OTOF: variants seen among roughly 807,000 people sequenced by gnomAD.
The protein encoded by OTOF is otoferlin, also known as fer-1-like family member 2.
OTOF carries 218 observed loss-of-function variants against 236.8 expected under a neutral mutation model. The observed-to-expected ratio is 0.92, with a 90% CI of 0.82 to 1.03. The LOEUF (loss-of-function observed/expected upper bound fraction) is 1.03, where lower values mean the gene tolerates loss of function less well. Among genes scored for constraint, OTOF ranks in the 50% least tolerant of loss-of-function variants. OTOF has a pLI of 0.00. For synonymous variants in OTOF, 1,041 were observed against 1,072.5 expected, an observed-to-expected ratio of 0.97 and a Z score of 0.57; for missense variants, 2,590 against 2,694.4, an observed-to-expected ratio of 0.96 and a Z score of 0.86.
At chr2:26,481,645 G>A (rs534772138) in intron 14 of OTOF, among the ~76,000 whole-genome samples, 1 of 152,204 alleles carries the variant, frequency 6.6e-6, no homozygotes, top group East Asian at 1.9e-4. Context: ...CTTTTAAAGT[G>A]TACATTTCAG....
At position 26,482,392 on chromosome 2, in the gene OTOF, C is replaced by T. The variant is rs376216223; in HGVS notation, c.1579+14G>A. 6 of 1,612,448 alleles carry T rather than the reference C, an allele frequency of 3.7e-6. No homozygotes were observed. In the East Asian group the frequency reaches 8.9e-5, roughly 24 times the overall value. On this transcript the variant is annotated intron_variant, in intron 14 of 46. Coordinates refer to ENST00000272371, the MANE Select transcript of OTOF (RefSeq NM_194248.3). ...CCCTCTGCCCCCCAGCACACCGGGT[C>T]TCCCGCTGCTGACCTTTGTCTCCGT...
At chr2:26,458,927 T>G (rs751594035) in intron 46 of OTOF, among the ~76,000 whole-genome samples, 2 of 152,218 alleles carry the variant, frequency 1.3e-5, no homozygotes, top group Non-Finnish European at 2.9e-5. Flanking sequence ...TGGTTTTGAA[T>G]GGTTTTCACA....
At chr2:26,514,299 G>A (rs73923709) in intron 5 of OTOF, among the ~76,000 whole-genome samples, 14,146 of 152,308 alleles carry the variant, frequency 0.093, 1,562 homozygotes, top group African/African-American at 0.27. Context: ...CCAGTCCGGG[G>A]TGAAGCCCCT....
chr2:26,507,855 A>T (rs1035596880), intron 5 of OTOF, among the ~76,000 whole-genome samples: 9 of 152,196 alleles, frequency 5.9e-5, no homozygotes, highest in African/African-American at 2.2e-4. Context: ...AGAGGAAAAA[A>T]ATGCTAAAAT....
chr2:26,544,137 A>T (rs1359965981), intron 1 of OTOF, among the ~76,000 whole-genome samples: 1 of 152,158 alleles, frequency 6.6e-6, no homozygotes, highest in Non-Finnish European at 1.5e-5. Context: ...TTTTTTCCTC[A>T]TCTTATATAA....
intron 8 of OTOF, among the ~76,000 whole-genome samples, chr2:26,499,665 C>T (rs1048745115): frequency 4.6e-5 from 7 of 152,022 alleles, no homozygotes; most frequent in African/African-American, 1.4e-4. Flanking sequence ...GCGCCACCAC[C>T]ATGCCTGGCT....
rs894098325 is a variant in OTOF at position 26,464,086 on chromosome 2, C to T, written c.4981G>A (p.Glu1661Lys). 18 of 1,613,596 alleles carry T rather than the reference C, an allele frequency of 1.1e-5. No individual in the cohort carries two copies. Among genetic ancestry groups the T allele is most frequent in the Admixed American group, 3.3e-5 (2 of 60,024 alleles). ...DENGQRKPTD[E>K]HVALLALRHW... ...CTCAGGGCCAACAGCGCCACATGCT[C>T]GTCTGTGGGCTTCCTCTGACCTGTG... is the stretch of plus-strand genomic sequence containing the variant. The change falls in exon 40 of 47, where the codon GAG (glutamate) becomes AAG (lysine). Residue 1661 changes from glutamate (E) to lysine (K), a missense_variant. By Grantham distance (56) the Glu-to-Lys change is moderately conservative. Coordinates refer to ENST00000272371, the MANE Select transcript of OTOF (RefSeq NM_194248.3).
chr2:26,472,411 G>T (rs1395289552), intron 30 of OTOF, 108 bp downstream of exon 30: 1 of 1,388,002 alleles, frequency 7.2e-7, no homozygotes, highest in Non-Finnish European at 1.0e-6. Flanking sequence ...CATGCCAAAG[G>T]AGGCTCTTAG....
chr2:26,517,135 G>A (rs1666552627), intron 4 of OTOF, among the ~76,000 whole-genome samples: 1 of 152,210 alleles, frequency 6.6e-6, no homozygotes, highest in African/African-American at 2.4e-5. Context: ...AATCTTGGGA[G>A]CTGCCCTAGG....
At chr2:26,526,186 G>A (rs1383289723) in intron 3 of OTOF, among the ~76,000 whole-genome samples, 5 of 151,192 alleles carry the variant, frequency 3.3e-5, no homozygotes, top group Middle Eastern at 6.5e-3. Context: ...GAAAGGGTAA[G>A]TGGTGGATGA....
rs1664408580 is a variant in OTOF at position 26,460,488 on chromosome 2, G to T, written c.5813+159C>A. On this transcript the variant is annotated intron_variant, in intron 45 of 46. Coordinates refer to ENST00000272371, the MANE Select transcript of OTOF (RefSeq NM_194248.3). This position sits in a 1 kb window ranked among gnomAD's most constrained non-coding sequence, Gnocchi z 5.3. ...CCTAGCCCATCCTCTGGTTCAAAGG[G>T]ACGTTGTGGGATTCAGGGTTGGCAG... Among the ~76,000 whole-genome samples, 2 of 152,230 alleles carry T rather than the reference G, an allele frequency of 1.3e-5. No homozygotes were observed. Among genetic ancestry groups the T allele is most frequent in the South Asian group, 4.1e-4 (2 of 4,834 alleles).
intron 11 of OTOF, among the ~76,000 whole-genome samples, chr2:26,486,444 G>T (rs1401229028): frequency 6.6e-6 from 1 of 152,200 alleles, no homozygotes; most frequent in Non-Finnish European, 1.5e-5. Context: ...GTAGATGGGT[G>T]GGTGAGTGGA....
In OTOF at chr2:26,558,700, C is replaced by T. The variant is rs1284959952; in HGVS notation, c.-129G>A. ...TCCTCCTCCCGACCCCCCTCCGATGCTGCCCACAGAGACCAAGGCAACCAA... is the reference window on the plus strand; with the variant it reads ...TCCTCCTCCCGACCCCCCTCCGATGTTGCCCACAGAGACCAAGGCAACCAA... On this transcript the variant is annotated 5_prime_UTR_variant, in exon 1 of 47. Transcript: ENST00000272371. 1.3e-6 allele frequency: 1 copy of T among 786,606 alleles called. No homozygotes were observed. Among genetic ancestry groups the T allele is most frequent in the Non-Finnish European group, 2.1e-6 (1 of 473,724 alleles). The allele number at this position is 786,606 out of a possible 1,614,324, so 48.7% of individuals were successfully genotyped here.
chr2:26,496,137 C>A (rs1016552950), intron 8 of OTOF, among the ~76,000 whole-genome samples: 2 of 152,104 alleles, frequency 1.3e-5, no homozygotes, highest in Non-Finnish European at 2.9e-5. Flanking sequence ...TTCAGTTGTT[C>A]ATTCATGCAA....
In OTOF at chr2:26,476,127, C is replaced by T. The variant is rs2148047884; in HGVS notation, c.2866+1G>A. 1.2e-6 allele frequency: 2 copies of T among 1,611,394 alleles called. No individual in the cohort carries two copies. The highest frequency in any genetic ancestry group is 1.7e-6 in the Non-Finnish European group (2 of 1,179,460). On this transcript the variant is annotated splice_donor_variant, in intron 23 of 46. Coordinates refer to ENST00000272371, the MANE Select transcript of OTOF (RefSeq NM_194248.3). LOFTEE classifies it high-confidence loss of function. ...GCTTCGAGTGAGGGGTCCTCACTCACTGGTGTAGACCAGGCTGACGGGTGG... is the reference window on the plus strand; with the variant it reads ...GCTTCGAGTGAGGGGTCCTCACTCATTGGTGTAGACCAGGCTGACGGGTGG...
intron 46 of OTOF, 46 bp from the exon 47 acceptor site, chr2:26,458,266 G>T: frequency 6.5e-7 from 1 of 1,530,534 alleles, no homozygotes; most frequent in Non-Finnish European, 8.9e-7. Context: ...GGCAGGAGCT[G>T]CCTCCCAGTG....
chr2:26,490,581 C>A (rs965581848), intron 9 of OTOF, among the ~76,000 whole-genome samples: 2 of 152,124 alleles, frequency 1.3e-5, no homozygotes, highest in Non-Finnish European at 2.9e-5. Flanking sequence ...TTCCAATGTG[C>A]TTGGGGTAAA....
Position 26,481,007 on chromosome 2 carries a change from A to G in OTOF, c.1582T>C (p.Phe528Leu). ...CAGGCTGGGCCCAGTGTGGGCAGGA[A>G]GCCTGTGGCAGTGGGAACAAAAATG... ...RKISNDGDKG[F>L]LPTLGPAWVN... Residue 528 changes from phenylalanine (F) to leucine (L), a missense_variant and splice_region_variant, in exon 15 of 47, where the codon TTC (phenylalanine) becomes CTC (leucine). Physicochemically the swap from Phe to Leu is conservative, Grantham distance 22. Transcript: ENST00000272371. 1 of 1,611,994 alleles carries G rather than the reference A, an allele frequency of 6.2e-7. No individual in the cohort carries two copies. Among genetic ancestry groups the G allele is most frequent in the Non-Finnish European group, 8.5e-7 (1 of 1,179,200 alleles).
intron 1 of OTOF, among the ~76,000 whole-genome samples, chr2:26,544,607 T>C (rs1237800420): frequency 6.6e-6 from 1 of 152,216 alleles, no homozygotes; most frequent in Non-Finnish European, 1.5e-5. Flanking sequence ...TTTTGGGTGC[T>C]TCTAGGGTTG....
Sources: allele counts gnomAD v4.1 joint callset (sites outside exome capture counted in the v4.1 genomes callset), GRCh38; gene constraint gnomAD v4.1.1; non-coding constraint Gnocchi (gnomAD v3.1); transcripts MANE v1.5; gene names NCBI Gene and HGNC (gene_info 2026-07-23, HGNC 2026-07-21).